Variants in SNPH observed in about 807,000 individuals in gnomAD.
SNPH encodes syntaphilin.
In SNPH, 10 loss-of-function variants were observed where a neutral mutation model predicts 36.8. That is an observed-to-expected ratio of 0.27 (90% CI 0.17 to 0.46). SNPH has a LOEUF of 0.46. Among genes scored for constraint, SNPH ranks in the 20% least tolerant of loss-of-function variants. SNPH has a pLI of 1.00. For synonymous variants in SNPH, 281 were observed against 312.2 expected (o/e 0.90, Z 1.05); for missense variants, 622 against 744.0 (o/e 0.84, Z 1.91).
At chr20:1,269,816 G>A (rs2088051331) in intron 2 of SNPH, among the ~76,000 whole-genome samples, 1 of 152,164 alleles carries the variant, frequency 6.6e-6, no homozygotes, top group Non-Finnish European at 1.5e-5. Context: ...GTTGTGCTCT[G>A]TTTTACACAG....
At position 1,294,779 on chromosome 20, in the gene SNPH, C is replaced by G. The variant is rs577274083; in HGVS notation, c.-492-172C>G. Among the ~76,000 whole-genome samples, 8 of 152,262 alleles carry G rather than the reference C, an allele frequency of 5.3e-5. No homozygotes were observed. In the South Asian group the frequency reaches 1.5e-3, roughly 28 times the overall value. On this transcript the variant is annotated intron_variant, in intron 2 of 6. Coordinates refer to ENST00000381867, the MANE Select transcript of SNPH (RefSeq NM_001318234.2). The surrounding 1 kb of genome is among the most constrained non-coding windows in gnomAD (Gnocchi z 4.4). ...GCCCTGACATGGGAAGGGGGTGGTC[C>G]CCGGGCCAGAGACTCTGGGGTTTGA... is the stretch of plus-strand genomic sequence containing the variant.
chr20:1,291,764 A>T (rs2088364418), intron 2 of SNPH, among the ~76,000 whole-genome samples: 1 of 152,206 alleles, frequency 6.6e-6, no homozygotes, highest in African/African-American at 2.4e-5. Context: ...ATCAATGGCT[A>T]ATTCTTTGAA....
In SNPH at chr20:1,304,726, A is replaced by G; in HGVS notation, c.441-152A>G. On this transcript the variant is annotated intron_variant, in intron 6 of 6. Transcript: ENST00000381867. This position sits in a 1 kb window ranked among gnomAD's most constrained non-coding sequence, Gnocchi z 4.3. The stretch of plus-strand genomic sequence containing the variant: ...ACTCTCACTCCCCACTATAATAAGA[A>G]GGCATTGAGTTTGTCCTTCTGTTTT... 1.5e-6 allele frequency: 1 copy of G among 659,966 alleles called. No homozygotes were observed. 40.9% of individuals were successfully genotyped at this position (659,966 alleles called of 1,614,324 possible). A position where few individuals can be genotyped will look rare whatever the true frequency, so the allele number is the denominator to read the frequency against.
At position 1,307,967 on chromosome 20, in the gene SNPH, A is replaced by G. The variant is rs975195247; in HGVS notation, c.*1913A>G. ...GCGGACCCAGCCTCCTGTGCCGCGC[A>G]CTCACGGAGCTGCGTAGTCTCCTCA... is the stretch of plus-strand genomic sequence containing the variant. On this transcript the variant is annotated 3_prime_UTR_variant, in exon 7 of 7. Transcript: ENST00000381867. 1 of 152,692 alleles carries G rather than the reference A, an allele frequency of 6.5e-6. No homozygotes were observed. Among genetic ancestry groups the G allele is most frequent in the South Asian group, 2.1e-4 (1 of 4,838 alleles). 9.5% of individuals were successfully genotyped at this position (152,692 alleles called of 1,614,324 possible). A position where few individuals can be genotyped will look rare whatever the true frequency, so the allele number is the denominator to read the frequency against.
In SNPH at chr20:1,273,427, A is replaced by C. The variant is rs147861977; in HGVS notation, c.-493+6667A>C. 2.1e-3 allele frequency among the ~76,000 whole-genome samples: 326 copies of C among 152,320 alleles called. No homozygotes were observed. The Middle Eastern group carries it at 0.031, about 14-fold the overall frequency. ...TATTCTGGCCACGGTGAAGGAATTC[A>C]AAGAAGTATTTACAACCATTCATTC... On this transcript the variant is annotated intron_variant, in intron 2 of 6. Coordinates refer to ENST00000381867, the MANE Select transcript of SNPH (RefSeq NM_001318234.2).
At chr20:1,288,627 CT>C (rs1316952309) in intron 2 of SNPH, among the ~76,000 whole-genome samples, 12 of 146,326 alleles carry the variant, frequency 8.2e-5, no homozygotes, top group Admixed American at 1.4e-4. Context: ...TTCTTTTTTT[CT>C]TTTTTTTTTT....
chr20:1,291,194 T>G (rs1429860842), intron 2 of SNPH, among the ~76,000 whole-genome samples: 2 of 152,206 alleles, frequency 1.3e-5, no homozygotes, highest in African/African-American at 4.8e-5. Context: ...GCTGGTTGCC[T>G]GGGGAAGCTT....
At position 1,266,993 on chromosome 20, in the gene SNPH, G is replaced by T. The variant is rs1292379249; in HGVS notation, c.-493+233G>T. Among the ~76,000 whole-genome samples, 1 of 152,100 alleles carries T rather than the reference G, an allele frequency of 6.6e-6. No individual in the cohort carries two copies. On this transcript the variant is annotated intron_variant, in intron 2 of 6. Coordinates refer to ENST00000381867, the MANE Select transcript of SNPH (RefSeq NM_001318234.2). This position sits in a 1 kb window ranked among gnomAD's most constrained non-coding sequence, Gnocchi z 6.0. ...GGGTGCTGATTGCAGCAGAGAAGATGCCCAAAGTGGGTGATTAGGAGGCTT... is the reference window on the plus strand; with the variant it reads ...GGGTGCTGATTGCAGCAGAGAAGATTCCCAAAGTGGGTGATTAGGAGGCTT...
intron 6 of SNPH, among the ~76,000 whole-genome samples, chr20:1,303,752 T>C (rs1002898191): frequency 3.3e-5 from 5 of 152,152 alleles, no homozygotes; most frequent in African/African-American, 1.2e-4. Context: ...GAAAAGTATA[T>C]GGTGCTTGAT....
rs529568385 is a variant in SNPH, at chr20:1,284,245, A to G, written c.-492-10706A>G. On this transcript the variant is annotated intron_variant, in intron 2 of 6. Transcript: ENST00000381867. ...TAGAAAGGACTATAATAATATAAACAAAGTACCACAAAGCTTTCTTCCCCC... is the reference window on the plus strand; with the variant it reads ...TAGAAAGGACTATAATAATATAAACGAAGTACCACAAAGCTTTCTTCCCCC... Among the ~76,000 whole-genome samples the G allele has an allele frequency of 9.2e-5, 14 of 152,290 alleles. No homozygotes were observed. The South Asian group carries it at 2.3e-3, about 25-fold the overall frequency.
At chr20:1,268,701 G>C (rs6078413) in intron 2 of SNPH, among the ~76,000 whole-genome samples, 10,119 of 147,986 alleles carry the variant, frequency 0.068, 466 homozygotes, top group East Asian at 0.17. Context: ...TAGGCCCAAA[G>C]TAGGTGCTCC....
chr20:1,292,926 T>C (rs142601423), intron 2 of SNPH, among the ~76,000 whole-genome samples: 12 of 152,344 alleles, frequency 7.9e-5, no homozygotes, highest in African/African-American at 2.6e-4. Flanking sequence ...ATGGCTTGAA[T>C]GTGTTTCTGT....
Position 1,305,529 on chromosome 20 carries a change from G to A in SNPH, c.1092G>A (p.Gln364=), listed in dbSNP as rs762950996. Residue 364 remains glutamine (Q), a synonymous_variant, in exon 7 of 7, where the codon CAG becomes CAA. Transcript: ENST00000381867. ...GTGCCATCCAGACAGACTTCGTGCA[G>A]TACCAGCCTGACCTTGACACCATCC... ...QERAIQTDFV[Q]YQPDLDTILE... 1.9e-6 allele frequency: 3 copies of A among 1,613,344 alleles called. No individual in the cohort carries two copies. The Admixed American group carries it at 5.0e-5, about 27-fold the overall frequency.
chr20:1,272,446 A>C (rs1600243923), intron 2 of SNPH, among the ~76,000 whole-genome samples: 1 of 152,356 alleles, frequency 6.6e-6, no homozygotes, highest in East Asian at 1.9e-4. Context: ...GGCAGCTGCT[A>C]TCCTGCTCTC....
In SNPH at chr20:1,295,918, G is replaced by C; in HGVS notation, c.-322G>C. The stretch of plus-strand genomic sequence containing the variant: ...AGAGGGAGGACTGAACAGCAAGGGG[G>C]TGTGTGGGTCTGAGTATCAGGGTCC... On this transcript the variant is annotated 5_prime_UTR_variant, in exon 4 of 7. Coordinates refer to ENST00000381867, the MANE Select transcript of SNPH (RefSeq NM_001318234.2). 1 of 298,756 alleles carries C rather than the reference G, an allele frequency of 3.3e-6. No homozygotes were observed. Among genetic ancestry groups the C allele is most frequent in the Non-Finnish European group, 6.1e-6 (1 of 163,196 alleles). The allele number at this position is 298,756 out of a possible 1,614,324, so 18.5% of individuals were successfully genotyped here.
intron 5 of SNPH, among the ~76,000 whole-genome samples, chr20:1,299,739 T>C (rs1052418587): frequency 2.0e-5 from 3 of 152,220 alleles, no homozygotes; most frequent in African/African-American, 2.4e-5. Context: ...AGTGTGAACA[T>C]GTGCCTGGGC....
At chr20:1,270,033 A>G (rs563352396) in intron 2 of SNPH, among the ~76,000 whole-genome samples, 2 of 152,352 alleles carry the variant, frequency 1.3e-5, no homozygotes, top group South Asian at 4.1e-4. Context: ...GAGCCCTCTC[A>G]ATAACTGAAT....
Position 1,274,192 on chromosome 20 carries a change from G to A in SNPH, c.-493+7432G>A, listed in dbSNP as rs143098820. On this transcript the variant is annotated intron_variant, in intron 2 of 6. Transcript: ENST00000381867. ...ACAGGTATACAGGATGTAGCTTCCC[G>A]CACCGTAGTGACAGGATAGCAGTTT... is the stretch of plus-strand genomic sequence containing the variant. Among the ~76,000 whole-genome samples the A allele has an allele frequency of 2.9e-3, 447 of 152,132 alleles. 1 individual carries two copies. Among genetic ancestry groups the A allele is most frequent in the Non-Finnish European group, 4.5e-3 (307 of 67,990 alleles).
chr20:1,291,036 G>A (rs62187494), intron 2 of SNPH, among the ~76,000 whole-genome samples: 4,911 of 152,322 alleles, frequency 0.032, 92 homozygotes, highest in Non-Finnish European at 0.047. Flanking sequence ...AATGGGGGAG[G>A]AGGCCCAAGC....
Sources: gnomAD v4.1 joint callset for allele counts (sites outside exome capture counted in the v4.1 genomes callset) on GRCh38, gnomAD v4.1.1 for gene constraint, Gnocchi (gnomAD v3.1) non-coding constraint, MANE v1.5 for transcripts, NCBI Gene and HGNC (gene_info 2026-07-23, HGNC 2026-07-21) for gene names.